The following AFAP1 variants were observed in gnomAD, a reference collection of about 807,000 sequenced individuals.
The protein encoded by AFAP1 is actin filament associated protein 1, also known as actin filament-associated protein 1.
AFAP1 carries 75 observed loss-of-function variants against 93.9 expected under a neutral mutation model. The observed-to-expected ratio is 0.80, with a 90% CI of 0.66 to 0.97. The LOEUF is 0.97. Among genes scored for constraint, AFAP1 ranks in the 50% least tolerant of loss-of-function variants. The probability of loss-of-function intolerance (pLI) is 0.00; values close to 1 mark genes in which losing one functional copy is unlikely to be tolerated. For synonymous variants in AFAP1, 517 were observed against 430.7 expected (o/e 1.20, Z -2.48); for missense variants, 1,201 against 1,050.8 (o/e 1.14, Z -1.98).
intron 9 of AFAP1, among the ~76,000 whole-genome samples, chr4:7,807,930 C>A (rs545598493): frequency 1.7e-4 from 26 of 152,346 alleles, no homozygotes; most frequent in Admixed American, 1.2e-3. Flanking sequence ...TGAGCCCACA[C>A]CGCTGGGACG....
intron 1 of AFAP1, among the ~76,000 whole-genome samples, chr4:7,892,903 T>C (rs1323233381): frequency 1.3e-5 from 2 of 152,092 alleles, no homozygotes; most frequent in Non-Finnish European, 2.9e-5. Flanking sequence ...CTCCTTGAGA[T>C]GGCAGAGGGC....
intron 1 of AFAP1, among the ~76,000 whole-genome samples, chr4:7,903,333 G>A (rs1039370119): frequency 2.6e-5 from 4 of 152,184 alleles, no homozygotes; most frequent in Non-Finnish European, 5.9e-5. Context: ...CCAGGAAACT[G>A]GAAAGAAGAA....
At chr4:7,890,108 C>T (rs1199072288) in intron 1 of AFAP1, among the ~76,000 whole-genome samples, 4 of 148,218 alleles carry the variant, frequency 2.7e-5, no homozygotes, top group Non-Finnish European at 6.0e-5. Context: ...AAAAAAAGAA[C>T]AATGTTGGAA....
At chr4:7,842,931 G>A (rs950398624) in intron 5 of AFAP1, 26 of 548,802 alleles carry the variant, frequency 4.7e-5, no homozygotes, top group Non-Finnish European at 6.7e-5. Context: ...CTGGGAAACC[G>A]GCAACCTTGA....
At chr4:7,877,095 G>A (rs1411595576) in intron 1 of AFAP1, among the ~76,000 whole-genome samples, 1 of 152,152 alleles carries the variant, frequency 6.6e-6, no homozygotes, top group Non-Finnish European at 1.5e-5. Flanking sequence ...GTGATCTTAA[G>A]GTTTACTTGG....
At chr4:7,907,376 T>C (rs1286151711) in intron 1 of AFAP1, among the ~76,000 whole-genome samples, 1 of 152,184 alleles carries the variant, frequency 6.6e-6, no homozygotes, top group Non-Finnish European at 1.5e-5. Context: ...TCTTTGTCCA[T>C]GCCTAAGGAA....
chr4:7,921,393 C>A (rs182173762), intron 1 of AFAP1, among the ~76,000 whole-genome samples: 40 of 152,012 alleles, frequency 2.6e-4, no homozygotes, highest in Admixed American at 5.9e-4. Flanking sequence ...CCACGTTGGC[C>A]AGGCTGGTCT....
intron 4 of AFAP1, among the ~76,000 whole-genome samples, chr4:7,852,033 C>T (rs911879649): frequency 6.6e-6 from 1 of 152,198 alleles, no homozygotes; most frequent in African/African-American, 2.4e-5. Flanking sequence ...CAGACTCCAG[C>T]ACGCTGAAGT....
At chr4:7,812,631 G>GA (rs1047806627) in intron 8 of AFAP1, among the ~76,000 whole-genome samples, 4 of 152,172 alleles carry the variant, frequency 2.6e-5, no homozygotes, top group Non-Finnish European at 5.9e-5. Flanking sequence ...CTAGAGGGTA[G>GA]AAAAGCTGGA....
intron 4 of AFAP1, among the ~76,000 whole-genome samples, chr4:7,848,183 GAGGAAGGA>G (rs71175432): frequency 1.6e-5 from 1 of 62,966 alleles, no homozygotes; most frequent in African/African-American, 5.3e-5. Context: ...GGGAGGGAGG[GAGGAAGGA>G]AGGAAGGAAG....
intron 10 of AFAP1, among the ~76,000 whole-genome samples, chr4:7,800,051 T>A (rs2149029210): frequency 6.6e-6 from 1 of 152,274 alleles, no homozygotes; most frequent in Non-Finnish European, 1.5e-5. Context: ...AAAGAGCTCC[T>A]GGGGGAAAGA....
At chr4:7,787,836 T>C (rs570197228) in intron 11 of AFAP1, among the ~76,000 whole-genome samples, 1 of 152,150 alleles carries the variant, frequency 6.6e-6, no homozygotes, top group African/African-American at 2.4e-5. Context: ...TGTGGCTTCC[T>C]GCGCTCGGTC....
At chr4:7,780,375 TAC>T (rs1716636295) in intron 13 of AFAP1, among the ~76,000 whole-genome samples, 1 of 152,242 alleles carries the variant, frequency 6.6e-6, no homozygotes, top group Non-Finnish European at 1.5e-5. Context: ...TCTATAATTC[TAC>T]AATTTTATCT....
intron 3 of AFAP1, among the ~76,000 whole-genome samples, chr4:7,857,068 C>A (rs1715152765): frequency 6.6e-6 from 1 of 152,142 alleles, no homozygotes; most frequent in African/African-American, 2.4e-5. Flanking sequence ...CTTTCTCTCT[C>A]CCCTTTTTCC....
intron 9 of AFAP1, among the ~76,000 whole-genome samples, chr4:7,802,121 C>T (rs1719105485): frequency 6.6e-6 from 1 of 152,080 alleles, no homozygotes; most frequent in Non-Finnish European, 1.5e-5. Context: ...CAGTGACTTA[C>T]TAGGTACACA....
chr4:7,909,696 C>T (rs1373211658), intron 1 of AFAP1, among the ~76,000 whole-genome samples: 2 of 152,322 alleles, frequency 1.3e-5, no homozygotes, highest in Non-Finnish European at 2.9e-5. Flanking sequence ...TGATTCAGGA[C>T]TCCAATTCAC....
rs180988932 is a variant in AFAP1 at position 7,872,094 on chromosome 4, A to G, written c.-2-14T>C. The G allele has an allele frequency of 1.1e-4, 181 of 1,613,828 alleles. No individual in the cohort carries two copies. In the African/African-American group the frequency reaches 1.4e-3, roughly 13 times the overall value. On this transcript the variant is annotated splice_polypyrimidine_tract_variant and intron_variant, in intron 1 of 17. Coordinates refer to ENST00000420658, the MANE Select transcript of AFAP1 (RefSeq NM_001134647.2). Reference sequence around the variant, plus strand: ...ACTCTTCCATTGCTGACAACAAAAGAGGAAGAGTATTATTAGACCCAGTGA... The same window carrying G: ...ACTCTTCCATTGCTGACAACAAAAGGGGAAGAGTATTATTAGACCCAGTGA...
chr4:7,933,103 C>A (rs1431402063), intron 1 of AFAP1, among the ~76,000 whole-genome samples: 1 of 150,554 alleles, frequency 6.6e-6, no homozygotes, highest in Non-Finnish European at 1.5e-5. Context: ...TAACCAGAGG[C>A]ATTGAAAACC....
At chr4:7,845,040 T>C (rs1035144541) in intron 4 of AFAP1, among the ~76,000 whole-genome samples, 1 of 152,218 alleles carries the variant, frequency 6.6e-6, no homozygotes, top group Admixed American at 6.5e-5. Flanking sequence ...AGTAATCATG[T>C]TTGCCTTATA....
Sources: gnomAD v4.1 joint callset for allele counts (sites outside exome capture counted in the v4.1 genomes callset) on GRCh38, gnomAD v4.1.1 for gene constraint, MANE v1.5 for transcripts, NCBI Gene and HGNC (gene_info 2026-07-23, HGNC 2026-07-21) for gene names.